The following RTN1 variants were observed in gnomAD, a reference collection of about 807,000 sequenced individuals.
The protein encoded by RTN1 is reticulon-1.
RTN1 carries 25 observed loss-of-function variants against 65.5 expected under a neutral mutation model. That is an observed-to-expected ratio of 0.38 (90% CI 0.28 to 0.53). The LOEUF (loss-of-function observed/expected upper bound fraction) is 0.53. Among genes scored for constraint, RTN1 ranks in the 20% least tolerant of loss-of-function variants. RTN1 has a pLI of 0.79. For synonymous variants in RTN1, 471 were observed against 447.6 expected (o/e 1.05, Z -0.66); for missense variants, 983 against 1,025.4 (o/e 0.96, Z 0.57).
At chr14:59,859,794 T>G (rs756986151) in intron 1 of RTN1, among the ~76,000 whole-genome samples, 2 of 152,174 alleles carry the variant, frequency 1.3e-5, no homozygotes, top group African/African-American at 2.4e-5. Flanking sequence ...CAAAGGTAAC[T>G]CTTGTTATGC....
intron 3 of RTN1, among the ~76,000 whole-genome samples, chr14:59,665,650 T>C (rs550877786): frequency 2.0e-3 from 308 of 152,114 alleles, no homozygotes; most frequent in Non-Finnish European, 2.6e-3. Context: ...GACTGGCAAA[T>C]TGGATAAAGA....
intron 1 of RTN1, among the ~76,000 whole-genome samples, chr14:59,866,722 T>C (rs1887805135): frequency 6.6e-6 from 1 of 152,156 alleles, no homozygotes; most frequent in Non-Finnish European, 1.5e-5. Flanking sequence ...CAGTGTAATG[T>C]TCCTTACCAT....
At chr14:59,807,214 A>C (rs1054710465) in intron 1 of RTN1, among the ~76,000 whole-genome samples, 1 of 152,236 alleles carries the variant, frequency 6.6e-6, no homozygotes, top group African/African-American at 2.4e-5. Context: ...ATGTGGCTGC[A>C]GAGTGAAGAG....
intron 2 of RTN1, among the ~76,000 whole-genome samples, chr14:59,742,826 A>G (rs1232991030): frequency 6.6e-6 from 1 of 152,204 alleles, no homozygotes; most frequent in African/African-American, 2.4e-5. Context: ...AATAAAGTCC[A>G]TATCCTCTAC....
At chr14:59,692,717 T>C (rs528756792) in intron 3 of RTN1, among the ~76,000 whole-genome samples, 198 of 152,230 alleles carry the variant, frequency 1.3e-3, no homozygotes, top group Non-Finnish European at 2.4e-3. Flanking sequence ...AATAGACATA[T>C]ATAACAATGG....
At chr14:59,833,764 T>C (rs1887167382) in intron 1 of RTN1, among the ~76,000 whole-genome samples, 2 of 152,184 alleles carry the variant, frequency 1.3e-5, no homozygotes. Context: ...ATGCAGGCTC[T>C]AGTAAATGAT....
intron 3 of RTN1, among the ~76,000 whole-genome samples, chr14:59,663,875 T>C (rs146520594): frequency 3.3e-5 from 5 of 152,240 alleles, no homozygotes; most frequent in Admixed American, 6.5e-5. Context: ...AGTGGGAGTT[T>C]AAATTAGTTC....
intron 1 of RTN1, among the ~76,000 whole-genome samples, chr14:59,797,211 T>G (rs534778067): frequency 6.6e-6 from 1 of 152,194 alleles, no homozygotes; most frequent in African/African-American, 2.4e-5. Flanking sequence ...AAAACAAATC[T>G]TCGTCACCAC....
intron 3 of RTN1, among the ~76,000 whole-genome samples, chr14:59,666,420 C>T (rs1392381920): frequency 6.6e-6 from 1 of 152,114 alleles, no homozygotes; most frequent in Non-Finnish European, 1.5e-5. Context: ...GTACCAGAAT[C>T]TCTGGGACAC....
At chr14:59,832,213 G>C (rs1887136679) in intron 1 of RTN1, among the ~76,000 whole-genome samples, 1 of 152,162 alleles carries the variant, frequency 6.6e-6, no homozygotes, top group Non-Finnish European at 1.5e-5. Flanking sequence ...GAATGAGCTA[G>C]AGTATGATAA....
At chr14:59,672,392 TG>T (rs1883524835) in intron 3 of RTN1, among the ~76,000 whole-genome samples, 1 of 152,090 alleles carries the variant, frequency 6.6e-6, no homozygotes, top group South Asian at 2.1e-4. Context: ...TCTCAAAAAA[TG>T]TTACTTTAAA....
rs187810480 is a variant in RTN1 at position 59,686,599 on chromosome 14, T to C, written c.1765+40320A>G. Among the ~76,000 whole-genome samples, 25 of 152,276 alleles carry C rather than the reference T, an allele frequency of 1.6e-4. 1 individual carries two copies. The East Asian group carries it at 2.1e-3, about 13-fold the overall frequency. ...AGATTTATGAAGGACACCCCAGATC[T>C]CTAGGAGGAAAACGTGGGCAAACAG... is the stretch of plus-strand genomic sequence containing the variant. On this transcript the variant is annotated intron_variant, in intron 3 of 8. Transcript: ENST00000267484.
chr14:59,833,798 G>A (rs1887167735), intron 1 of RTN1, among the ~76,000 whole-genome samples: 1 of 152,126 alleles, frequency 6.6e-6, no homozygotes. Flanking sequence ...TTTATTCAGT[G>A]CACAAACAAT....
At chr14:59,865,872 C>T (rs183179304) in intron 1 of RTN1, among the ~76,000 whole-genome samples, 1 of 152,154 alleles carries the variant, frequency 6.6e-6, no homozygotes, top group Non-Finnish European at 1.5e-5. Flanking sequence ...AACATTTAGC[C>T]AGTTATTTCT....
At chr14:59,781,198 T>C (rs1886148326) in intron 1 of RTN1, among the ~76,000 whole-genome samples, 1 of 151,932 alleles carries the variant, frequency 6.6e-6, no homozygotes, top group South Asian at 2.1e-4. Flanking sequence ...CCAGAGCCCA[T>C]GCTCCCCATC....
At chr14:59,613,743 A>G (rs913495097) in intron 3 of RTN1, among the ~76,000 whole-genome samples, 2 of 152,028 alleles carry the variant, frequency 1.3e-5, no homozygotes, top group African/African-American at 4.8e-5. Flanking sequence ...AGGCCCTAAG[A>G]TAACTTCTGG....
At chr14:59,814,975 C>T (rs1886794843) in intron 1 of RTN1, among the ~76,000 whole-genome samples, 1 of 152,106 alleles carries the variant, frequency 6.6e-6, no homozygotes, top group Admixed American at 6.6e-5. Context: ...AAACTTAAAG[C>T]CAAGATTATA....
At chr14:59,780,449 A>G (rs1164748940) in intron 1 of RTN1, among the ~76,000 whole-genome samples, 1 of 152,196 alleles carries the variant, frequency 6.6e-6, no homozygotes, top group African/African-American at 2.4e-5. Context: ...GCTAGAGAAA[A>G]GAAAACCATT....
chr14:59,730,826 G>A (rs1263387380), intron 2 of RTN1, among the ~76,000 whole-genome samples: 1 of 152,166 alleles, frequency 6.6e-6, no homozygotes, highest in Non-Finnish European at 1.5e-5. Flanking sequence ...TACTAGGATG[G>A]CTATAATCAA....
Sources: allele counts gnomAD v4.1 joint callset (sites outside exome capture counted in the v4.1 genomes callset), GRCh38; gene constraint gnomAD v4.1.1; transcripts MANE v1.5; gene names NCBI Gene and HGNC (gene_info 2026-07-23, HGNC 2026-07-21).